Variants in CCDC171 observed in about 807,000 individuals in gnomAD.
The protein encoded by CCDC171 is coiled-coil domain containing 171, also known as coiled-coil domain-containing protein 171.
Under a neutral mutation model 168.2 loss-of-function variants are expected in CCDC171, and 177 were observed. The ratio of observed to expected loss-of-function variants is 1.05; its 90% CI spans 0.93 to 1.19. The LOEUF is 1.19. CCDC171 is among the 50% of genes most tolerant of loss of function. The probability of loss-of-function intolerance (pLI) is 0.00; values close to 1 mark genes in which losing one functional copy is unlikely to be tolerated. For missense variants in CCDC171, 1,991 were observed against 1,539.0 expected (o/e 1.29, Z -4.91); for synonymous variants, 687 against 540.8 (o/e 1.27, Z -3.75).
intron 21 of CCDC171, among the ~76,000 whole-genome samples, chr9:15,827,493 A>C (rs16933646): frequency 0.018 from 2,784 of 152,302 alleles, 99 homozygotes; most frequent in African/African-American, 0.063. Flanking sequence ...AGTTTGCCAG[A>C]GAAGAGTGTC....
intron 23 of CCDC171, among the ~76,000 whole-genome samples, chr9:15,857,800 G>T (rs751893474): frequency 9.9e-5 from 15 of 151,822 alleles, no homozygotes; most frequent in African/African-American, 3.4e-4. Context: ...TCCCCATTGT[G>T]TCTTCTTTGC....
intron 7 of CCDC171, among the ~76,000 whole-genome samples, chr9:15,655,834 A>G (rs1436225531): frequency 6.6e-6 from 1 of 152,242 alleles, no homozygotes; most frequent in East Asian, 1.9e-4. Context: ...TCATTGGGGC[A>G]ATGCAAATTA....
intron 24 of CCDC171, among the ~76,000 whole-genome samples, chr9:15,907,211 G>T (rs1822804585): frequency 6.6e-6 from 1 of 152,250 alleles, no homozygotes; most frequent in East Asian, 1.9e-4. Context: ...TCAATCCCAA[G>T]CCAAAAGAAC....
At chr9:16,067,630 A>G in the CCDC171 span, among the ~76,000 whole-genome samples, 2 of 152,168 alleles carry the variant, frequency 1.3e-5, no homozygotes, top group Admixed American at 6.5e-5. Context: ...ATCTTGAATT[A>G]ATTTTTGTAT....
chr9:15,784,584 C>G lies in CCDC171; in HGVS notation c.3157C>G (p.Gln1053Glu), dbSNP rs766317931. 3.1e-6 allele frequency: 5 copies of G among 1,613,034 alleles called. No homozygotes were observed. Among genetic ancestry groups the G allele is most frequent in the South Asian group, 1.1e-5 (1 of 91,030 alleles). ...TGCATTACTTCGGGAAGAGCAGGCA[C>G]AAATGCTATTGAATGAACAGGCACA... ...NNALLREEQA[Q>E]MLLNEQAQQL... Residue 1053 changes from glutamine (Q) to glutamate (E), a missense_variant, in exon 21 of 26, where the codon CAA (glutamine) becomes GAA (glutamate). Transcript: ENST00000380701.
At chr9:15,729,488 A>G in intron 15 of CCDC171, 122 bp from the exon 16 acceptor site, 2 of 542,656 alleles carry the variant, frequency 3.7e-6, no homozygotes, top group Non-Finnish European at 5.9e-6. Flanking sequence ...TTTATGTTAA[A>G]ATTTTTATAT....
intron 24 of CCDC171, among the ~76,000 whole-genome samples, chr9:15,914,466 C>T (rs1158709752): frequency 6.6e-6 from 1 of 152,164 alleles, no homozygotes; most frequent in East Asian, 1.9e-4. Context: ...ACCGCCTTCT[C>T]AAGCCTCAGT....
chr9:15,595,119 A>C (rs1299519976), intron 6 of CCDC171, among the ~76,000 whole-genome samples: 1 of 152,158 alleles, frequency 6.6e-6, no homozygotes, highest in African/African-American at 2.4e-5. Context: ...GAAGTTGACC[A>C]AAAATATGCA....
rs145738999 is a variant in CCDC171 at position 15,585,892 on chromosome 9, C to T, written c.353-5474C>T. Reference sequence around the variant, plus strand: ...TCAGGAGGCTGAGGCAGAAGGCTCACTTGAACCAAGGAGACAGAAGTTGCA... The same window carrying T: ...TCAGGAGGCTGAGGCAGAAGGCTCATTTGAACCAAGGAGACAGAAGTTGCA... On this transcript the variant is annotated intron_variant, in intron 4 of 25. Coordinates refer to ENST00000380701, the MANE Select transcript of CCDC171 (RefSeq NM_173550.4). Among the ~76,000 whole-genome samples, 996 of 152,212 alleles carry T rather than the reference C, an allele frequency of 6.5e-3. 17 individuals are homozygous for T. The highest frequency in any genetic ancestry group is 0.023 in the African/African-American group (940 of 41,522).
intron 8 of CCDC171, 146 bp downstream of exon 8, chr9:15,657,365 AG>A: frequency 5.7e-6 from 3 of 530,906 alleles, no homozygotes; most frequent in Non-Finnish European, 1.0e-5. Context: ...ATATAAGGTT[AG>A]GATACAGTTG....
rs563722301 is a variant in CCDC171 at position 15,623,464 on chromosome 9, T to TGC, written c.822+62_822+63dup. The TGC allele has an allele frequency of 1.5e-3, 1,151 of 767,310 alleles. 15 individuals carry two copies. Among genetic ancestry groups the TGC allele is most frequent in the African/African-American group, 0.013 (586 of 46,494 alleles). 47.5% of individuals were successfully genotyped at this position (767,310 alleles called of 1,614,324 possible). A position where few individuals can be genotyped will look rare whatever the true frequency, so the allele number is the denominator to read the frequency against. ...ATATATGCGTACAAACTTTCACATA[T>TGC]GCGCGCGCGCGCACACACACACACA... On this transcript the variant is annotated intron_variant, in intron 7 of 25. Transcript: ENST00000380701.
chr9:15,966,833 G>C (rs1830838160), intron 25 of CCDC171, among the ~76,000 whole-genome samples: 1 of 152,018 alleles, frequency 6.6e-6, no homozygotes, highest in African/African-American at 2.4e-5. Flanking sequence ...CTAAAAGTTA[G>C]AACTGGTAAC....
At chr9:15,679,100 G>A (rs1424177813) in intron 10 of CCDC171, among the ~76,000 whole-genome samples, 1 of 151,218 alleles carries the variant, frequency 6.6e-6, no homozygotes, top group Non-Finnish European at 1.5e-5. Context: ...ATAATTGGGG[G>A]AAACTAACTG....
intron 23 of CCDC171, among the ~76,000 whole-genome samples, chr9:15,873,698 C>G (rs1300012343): frequency 6.6e-6 from 1 of 152,014 alleles, no homozygotes; most frequent in Non-Finnish European, 1.5e-5. Flanking sequence ...AAATTAAAAA[C>G]CAAAATATCT....
At chr9:15,800,959 C>G (rs1425534026) in intron 21 of CCDC171, among the ~76,000 whole-genome samples, 1 of 151,888 alleles carries the variant, frequency 6.6e-6, no homozygotes, top group African/African-American at 2.4e-5. Flanking sequence ...TCTATTCATT[C>G]CATTGGTCTG....
intron 7 of CCDC171, among the ~76,000 whole-genome samples, chr9:15,637,879 T>C (rs2046321335): frequency 6.6e-6 from 1 of 152,058 alleles, no homozygotes; most frequent in South Asian, 2.1e-4. Context: ...TTGTTGGACA[T>C]TTGGGTTGGT....
At chr9:15,882,821 T>G (rs897008579) in intron 24 of CCDC171, among the ~76,000 whole-genome samples, 3 of 151,662 alleles carry the variant, frequency 2.0e-5, no homozygotes, top group Non-Finnish European at 4.4e-5. Context: ...TTATTCCTCC[T>G]TCTCTTTCTG....
intron 11 of CCDC171, among the ~76,000 whole-genome samples, chr9:15,720,428 A>C (rs1202767320): frequency 6.6e-6 from 1 of 152,154 alleles, no homozygotes; most frequent in Admixed American, 6.6e-5. Context: ...CTTTGTATGC[A>C]TAATGCCTAA....
At chr9:15,649,012 A>C (rs1033360476) in intron 7 of CCDC171, among the ~76,000 whole-genome samples, 1 of 152,238 alleles carries the variant, frequency 6.6e-6, no homozygotes, top group African/African-American at 2.4e-5. Flanking sequence ...ACAAGGCTAC[A>C]GTAACCAAAA....
Sources: gnomAD v4.1 joint callset for allele counts (sites outside exome capture counted in the v4.1 genomes callset) on GRCh38, gnomAD v4.1.1 for gene constraint, MANE v1.5 for transcripts, NCBI Gene and HGNC (gene_info 2026-07-23, HGNC 2026-07-21) for gene names.